The following SHANK2 variants were observed in gnomAD, a reference collection of about 807,000 sequenced individuals.
SHANK2 encodes SH3 and multiple ankyrin repeat domains 2.
In SHANK2, 43 loss-of-function variants were observed where a neutral mutation model predicts 133.7. That is an observed-to-expected ratio of 0.32 (90% CI 0.25 to 0.41). The LOEUF (loss-of-function observed/expected upper bound fraction) is 0.41. SHANK2 is among the 10% of genes least tolerant of loss of function. The pLI is 1.00. For synonymous variants in SHANK2, 1,017 were observed against 952.8 expected (o/e 1.07, Z -1.24); for missense variants, 1,994 against 2,235.8 (o/e 0.89, Z 2.18).
chr11:70,544,478 T>C (rs377067792), intron 17 of SHANK2, among the ~76,000 whole-genome samples: 2 of 151,934 alleles, frequency 1.3e-5, no homozygotes, highest in Admixed American at 6.6e-5. Flanking sequence ...CGTGGGAGAG[T>C]GACTGACGGA....
chr11:70,672,763 G>C (rs1555016397), intron 15 of SHANK2, among the ~76,000 whole-genome samples: 1 of 152,234 alleles, frequency 6.6e-6, no homozygotes, highest in Non-Finnish European at 1.5e-5. Context: ...TAGCACATGA[G>C]TGCCCCCGAA....
At chr11:70,832,614 C>G (rs1555058891) in intron 11 of SHANK2, among the ~76,000 whole-genome samples, 1 of 152,142 alleles carries the variant, frequency 6.6e-6, no homozygotes. Flanking sequence ...AGCTTTTTTT[C>G]TGAGTGTTCC....
Position 70,486,454 on chromosome 11 carries a change from T to C in SHANK2, c.3839A>G (p.Asn1280Ser). 6.2e-7 allele frequency: 1 copy of C among 1,614,148 alleles called. No individual in the cohort carries two copies. Among genetic ancestry groups the C allele is most frequent in the African/African-American group, 1.3e-5 (1 of 75,038 alleles). The change falls in exon 25 of 26, where the codon AAC (asparagine) becomes AGC (serine). Residue 1280 changes from asparagine (N) to serine (S), a missense_variant. This residue lies in a region of SHANK2 where 797 missense variants were observed against 907.4 expected (regional missense o/e 0.88). Coordinates refer to ENST00000601538, the MANE Select transcript of SHANK2 (RefSeq NM_012309.5). The surrounding 1 kb of genome is among the most constrained non-coding windows in gnomAD (Gnocchi z 8.0). ...TCGGCCCAGGTCGGTCTCGTACTTG[T>C]TCTCCGTCTCCTGCCGCCTCAGGGG... ...RGPLRRQETE[N>S]KYETDLGRDR...
chr11:71,204,242 A>AC (rs5792548), intron 2 of SHANK2, among the ~76,000 whole-genome samples: 12 of 151,866 alleles, frequency 7.9e-5, no homozygotes, highest in African/African-American at 1.5e-4. Flanking sequence ...TCCAAAAAAA[A>AC]CCCATAAACT....
intron 14 of SHANK2, among the ~76,000 whole-genome samples, chr11:70,704,088 G>A (rs1945606656): frequency 6.6e-6 from 1 of 152,268 alleles, no homozygotes. Context: ...AGCCTCCTGA[G>A]GGGGATACCC....
At chr11:71,116,313 ATGT>A (rs1248064905) in intron 4 of SHANK2, among the ~76,000 whole-genome samples, 1 of 152,240 alleles carries the variant, frequency 6.6e-6, no homozygotes, top group Non-Finnish European at 1.5e-5. Context: ...TGATGCCAAC[ATGT>A]TGTGCAGGAG....
At chr11:70,694,135 G>C (rs1487196089) in intron 15 of SHANK2, among the ~76,000 whole-genome samples, 7 of 152,222 alleles carry the variant, frequency 4.6e-5, no homozygotes, top group Non-Finnish European at 1.5e-5. Flanking sequence ...CATTCCCTGA[G>C]TGGAGACATG....
At chr11:71,064,639 C>G (rs1292844323) in intron 9 of SHANK2, among the ~76,000 whole-genome samples, 3 of 151,110 alleles carry the variant, frequency 2.0e-5, no homozygotes, top group Non-Finnish European at 4.4e-5. Flanking sequence ...AGCAGGGCCC[C>G]AGGCAAGGGT....
rs550807167 is a variant in SHANK2, at chr11:70,479,077, C to T, written c.4980-5638G>A. Among the ~76,000 whole-genome samples, 1 of 152,332 alleles carries T rather than the reference C, an allele frequency of 6.6e-6. No individual in the cohort carries two copies. Among genetic ancestry groups the T allele is most frequent in the Admixed American group, 6.5e-5 (1 of 15,294 alleles). On this transcript the variant is annotated intron_variant, in intron 25 of 25. Transcript: ENST00000601538. This position sits in a 1 kb window ranked among gnomAD's most constrained non-coding sequence, Gnocchi z 4.4. Reference sequence around the variant, plus strand: ...TTGATGGGCAAGGACGAGGCACTCCCATTCATCCTTGCCCAACGCCCGCAA... The same window carrying T: ...TTGATGGGCAAGGACGAGGCACTCCTATTCATCCTTGCCCAACGCCCGCAA...
intron 17 of SHANK2, among the ~76,000 whole-genome samples, chr11:70,508,117 C>T (rs991512775): frequency 3.3e-5 from 5 of 152,232 alleles, no homozygotes; most frequent in Admixed American, 6.5e-5. Context: ...AGAACCTGGC[C>T]GCACTGACAG....
intron 17 of SHANK2, among the ~76,000 whole-genome samples, chr11:70,568,306 G>T (rs1037181419): frequency 7.9e-5 from 12 of 152,198 alleles, no homozygotes; most frequent in Non-Finnish European, 4.4e-5. Flanking sequence ...AACCGCCCTG[G>T]AAGTGAGCTT....
chr11:71,160,824 G>C (rs1472319797), intron 2 of SHANK2, among the ~76,000 whole-genome samples: 1 of 152,172 alleles, frequency 6.6e-6, no homozygotes, highest in Admixed American at 6.5e-5. Context: ...GGTTATTTCA[G>C]CTCCAGCAAT....
chr11:71,154,462 G>A (rs1555108667), intron 2 of SHANK2, among the ~76,000 whole-genome samples: 1 of 152,226 alleles, frequency 6.6e-6, no homozygotes, highest in African/African-American at 2.4e-5. Flanking sequence ...GCAGAAGAGA[G>A]AAAGGCACGC....
At chr11:70,599,891 A>AAAGAAAGAAAGAAAG (rs1565166130) in intron 17 of SHANK2, among the ~76,000 whole-genome samples, 6 of 72,112 alleles carry the variant, frequency 8.3e-5, no homozygotes, top group Admixed American at 1.8e-4. Context: ...AAGAAAGAAA[A>AAAGAAAGAAAGAAAG]AGAAAGAAAG....
intron 2 of SHANK2, among the ~76,000 whole-genome samples, chr11:71,176,565 A>C (rs1953450491): frequency 6.6e-6 from 1 of 152,238 alleles, no homozygotes; most frequent in South Asian, 2.1e-4. Context: ...ATCTGAAGTG[A>C]AAAATACCCT....
intron 13 of SHANK2, among the ~76,000 whole-genome samples, chr11:70,803,810 T>TA (rs553608014): frequency 0.02 from 2,586 of 130,362 alleles, 34 homozygotes; most frequent in African/African-American, 0.03. Flanking sequence ...GCCCTTGAAT[T>TA]AAAAAAAAAA....
chr11:71,252,880 C>T (rs1031827944), upstream of SHANK2, among the ~76,000 whole-genome samples: 1 of 152,200 alleles, frequency 6.6e-6, no homozygotes, highest in African/African-American at 2.4e-5. This position sits in a 1 kb window ranked among gnomAD's most constrained non-coding sequence, Gnocchi z 6.3. Context: ...AGCCGGCGGA[C>T]GAGAAAGTCC....
Position 71,188,266 on chromosome 11 carries a change from A to G in SHANK2, c.-13+36431T>C, listed in dbSNP as rs1379355316. On this transcript the variant is annotated intron_variant, in intron 2 of 25. Coordinates refer to ENST00000601538, the MANE Select transcript of SHANK2 (RefSeq NM_012309.5). This position sits in a 1 kb window ranked among gnomAD's most constrained non-coding sequence, Gnocchi z 4.6. ...GCTGGTGTCACTCTGGTCATGGACC[A>G]CTGGAGCTGCCCACTCACCATCCTA... Among the ~76,000 whole-genome samples the G allele has an allele frequency of 6.6e-6, 1 of 152,004 alleles. No individual in the cohort carries two copies. Among genetic ancestry groups the G allele is most frequent in the African/African-American group, 2.4e-5 (1 of 41,366 alleles).
chr11:71,242,754 T>C (rs1954912129), intron 1 of SHANK2, among the ~76,000 whole-genome samples: 1 of 152,316 alleles, frequency 6.6e-6, no homozygotes, highest in Middle Eastern at 3.4e-3. Context: ...CTGCAGCACA[T>C]GCCACAAAAG....
Sources: gnomAD v4.1 joint callset for allele counts (sites outside exome capture counted in the v4.1 genomes callset) on GRCh38, gnomAD v4.1.1 for gene constraint, gnomAD v4.1.1 regional missense constraint, Gnocchi (gnomAD v3.1) non-coding constraint, MANE v1.5 for transcripts, NCBI Gene and HGNC (gene_info 2026-07-23, HGNC 2026-07-21) for gene names.